Variants in STPG2 observed in about 807,000 individuals in gnomAD.
STPG2 encodes the protein sperm-tail PG-rich repeat-containing protein 2.
Under a neutral mutation model 54.2 loss-of-function variants are expected in STPG2, and 56 were observed. The observed-to-expected ratio is 1.03, with a 90% CI of 0.83 to 1.29. The LOEUF is 1.29. Among genes scored for constraint, STPG2 ranks in the 50% most tolerant of loss-of-function variants. The pLI is 0.00. For synonymous variants in STPG2, 200 were observed against 181.8 expected, an observed-to-expected ratio of 1.10 and a Z score of -0.81; for missense variants, 596 against 544.9, an observed-to-expected ratio of 1.09 and a Z score of -0.93.
intron 5 of STPG2, among the ~76,000 whole-genome samples, chr4:98,070,760 A>G (rs1737978628): frequency 6.6e-6 from 1 of 152,212 alleles, no homozygotes; most frequent in East Asian, 1.9e-4. Context: ...ACTCCCAATC[A>G]CAATTGCTAC....
intron 7 of STPG2, among the ~76,000 whole-genome samples, chr4:97,964,581 T>C (rs1012011615): frequency 6.6e-6 from 1 of 152,124 alleles, no homozygotes; most frequent in Non-Finnish European, 1.5e-5. Context: ...AAAAAACTAA[T>C]ATCTAAATTA....
intron 7 of STPG2, among the ~76,000 whole-genome samples, chr4:97,963,114 G>A (rs765878962): frequency 5.9e-5 from 9 of 151,970 alleles, no homozygotes; most frequent in South Asian, 2.1e-4. Context: ...AGCAGACATC[G>A]CACCATTGTA....
chr4:97,879,804 A>G (rs1249319235), intron 8 of STPG2, among the ~76,000 whole-genome samples: 1 of 152,190 alleles, frequency 6.6e-6, no homozygotes, highest in Non-Finnish European at 1.5e-5. Context: ...TGAAAGACAA[A>G]TGATATCAAG....
chr4:97,669,462 T>C (rs1722631968), intron 10 of STPG2, among the ~76,000 whole-genome samples: 1 of 152,186 alleles, frequency 6.6e-6, no homozygotes, highest in Non-Finnish European at 1.5e-5. Flanking sequence ...TCACCACTGA[T>C]GTTCTGTTCT....
At chr4:97,674,607 C>T (rs2148972159) in intron 10 of STPG2, among the ~76,000 whole-genome samples, 2 of 152,226 alleles carry the variant, frequency 1.3e-5, no homozygotes, top group South Asian at 4.1e-4. Context: ...TTTCAGAGTT[C>T]TAGAATGCAT....
chr4:97,662,681 G>T, intron 10 of STPG2, among the ~76,000 whole-genome samples: 1 of 152,126 alleles, frequency 6.6e-6, no homozygotes, highest in Non-Finnish European at 1.5e-5. Context: ...ACAAATTAAT[G>T]CAGGAACAGC....
At chr4:97,450,690 T>C (rs767485827) in intron 4 of STPG2, among the ~76,000 whole-genome samples, 2 of 152,158 alleles carry the variant, frequency 1.3e-5, no homozygotes, top group Non-Finnish European at 2.9e-5. Flanking sequence ...CGGAGCAAGA[T>C]AGGCCTCATG....
chr4:97,898,948 A>G (rs1373468988), intron 8 of STPG2, among the ~76,000 whole-genome samples: 2 of 151,808 alleles, frequency 1.3e-5, no homozygotes, highest in South Asian at 2.1e-4. Flanking sequence ...CCTATTCAAC[A>G]TAGTATTGAA....
intron 5 of STPG2, among the ~76,000 whole-genome samples, chr4:98,101,940 C>G (rs1247964359): frequency 6.7e-6 from 1 of 148,668 alleles, no homozygotes. Context: ...TCTCTCAAAC[C>G]CTTGCCACTT....
intron 5 of STPG2, among the ~76,000 whole-genome samples, chr4:98,050,779 G>A (rs1235200103): frequency 6.6e-6 from 1 of 152,134 alleles, no homozygotes; most frequent in Non-Finnish European, 1.5e-5. Context: ...GTTGAGGCGG[G>A]TGGATCATGA....
intron 7 of STPG2, among the ~76,000 whole-genome samples, chr4:97,955,391 A>T (rs988216362): frequency 6.6e-5 from 10 of 151,724 alleles, no homozygotes; most frequent in Non-Finnish European, 1.0e-4. Context: ...ATTTTTTTGT[A>T]TTTTTAGTAG....
chr4:97,968,954 C>T (rs1734217518), intron 7 of STPG2, among the ~76,000 whole-genome samples: 1 of 152,132 alleles, frequency 6.6e-6, no homozygotes, highest in Admixed American at 6.5e-5. Context: ...AGATTCCTAT[C>T]CCAAAAAAGC....
At chr4:97,685,079 T>C (rs1030067141) in intron 10 of STPG2, among the ~76,000 whole-genome samples, 2 of 152,054 alleles carry the variant, frequency 1.3e-5, no homozygotes, top group African/African-American at 2.4e-5. Context: ...ATAAAGATTA[T>C]TGATGAGGAT....
At chr4:97,760,171 A>T (rs1278768109) in intron 9 of STPG2, among the ~76,000 whole-genome samples, 1 of 152,118 alleles carries the variant, frequency 6.6e-6, no homozygotes, top group Non-Finnish European at 1.5e-5. Context: ...TTCACAATTT[A>T]TTTTATCAGC....
chr4:97,550,977 G>A (rs764782338), intron 4 of STPG2, among the ~76,000 whole-genome samples: 6 of 151,570 alleles, frequency 4.0e-5, no homozygotes, highest in East Asian at 3.9e-4. Flanking sequence ...GATGTATTGC[G>A]AAGAAGGAAA....
At chr4:97,916,972 G>A (rs1423207908) in intron 8 of STPG2, 2 of 152,688 alleles carry the variant, frequency 1.3e-5, no homozygotes, top group African/African-American at 4.8e-5. Flanking sequence ...GATAAATGGA[G>A]GACAGCAGCT....
chr4:97,717,528 T>C (rs185542221), intron 9 of STPG2, among the ~76,000 whole-genome samples: 1 of 152,312 alleles, frequency 6.6e-6, no homozygotes, highest in East Asian at 1.9e-4. Flanking sequence ...GTCATATGGA[T>C]TTGGCTTGAC....
chr4:98,067,965 C>T (rs1341220017), intron 5 of STPG2, among the ~76,000 whole-genome samples: 1 of 152,024 alleles, frequency 6.6e-6, no homozygotes, highest in African/African-American at 2.4e-5. Context: ...ATTTTTTTTA[C>T]TTCTCTGATA....
chr4:97,697,203 T>A (rs777403772), intron 10 of STPG2, among the ~76,000 whole-genome samples: 1 of 152,170 alleles, frequency 6.6e-6, no homozygotes, highest in Non-Finnish European at 1.5e-5. Context: ...CCTCAAATAA[T>A]ATGGCCCACT....
Sources: allele counts gnomAD v4.1 joint callset (sites outside exome capture counted in the v4.1 genomes callset), GRCh38; gene constraint gnomAD v4.1.1; transcripts MANE v1.5; gene names NCBI Gene and HGNC (gene_info 2026-07-23, HGNC 2026-07-21).